The following C1orf167 variants were observed in gnomAD, a reference collection of about 807,000 sequenced individuals.
C1orf167 encodes uncharacterized protein C1orf167.
A neutral mutation model predicts 176.5 loss-of-function variants in C1orf167; 153 were observed. The observed-to-expected ratio is 0.87, with a 90% confidence interval of 0.76 to 0.99. The LOEUF is 0.99. Ranked by LOEUF, C1orf167 falls within the 50% of genes least tolerant of loss-of-function variation. C1orf167 has a pLI of 0.00. For synonymous variants in C1orf167, 594 were observed against 752.7 expected (o/e 0.79, Z 3.45); for missense variants, 1,490 against 1,817.7 (o/e 0.82, Z 3.28).
At position 11,783,334 on chromosome 1, in the gene C1orf167, G is replaced by A. The variant is rs1219802020; in HGVS notation, c.3006-840G>A. On this transcript the variant is annotated intron_variant, in intron 14 of 20. Coordinates refer to ENST00000688073, the MANE Select transcript of C1orf167 (RefSeq NM_001010881.2). ...GCGATCTCGGCTTACCACAACCTCC[G>A]CCTCCCGGGTTCAAGTGATTCTCCT... Among the ~76,000 whole-genome samples the A allele has an allele frequency of 2.0e-5, 3 of 152,118 alleles. No individual in the cohort carries two copies. The East Asian group carries it at 5.8e-4, about 29-fold the overall frequency.
Position 11,765,684 on chromosome 1 carries a change from G to A in C1orf167, c.71-173G>A, listed in dbSNP as rs190820398. On this transcript the variant is annotated intron_variant, in intron 2 of 20. Transcript: ENST00000688073. ...AGACCCCCCTACTCCAAGAGCCCCCGGGGCTGCCCATGGCTTCACCCAGGG... is the reference window on the plus strand; with the variant it reads ...AGACCCCCCTACTCCAAGAGCCCCCAGGGCTGCCCATGGCTTCACCCAGGG... Among the ~76,000 whole-genome samples, 1,146 of 152,100 alleles carry A rather than the reference G, an allele frequency of 7.5e-3. 5 individuals are homozygous for A. The highest frequency in any genetic ancestry group is 0.013 in the Non-Finnish European group (852 of 67,978).
At chr1:11,776,430 G>A (rs1238698693) in intron 9 of C1orf167, 34 bp from the exon 10 acceptor site, 1 of 1,289,348 alleles carries the variant, frequency 7.8e-7, no homozygotes, top group Non-Finnish European at 1.0e-6. Context: ...GGTCAGTGGG[G>A]AGGCAGCTGA....
chr1:11,765,128 T>C (rs945872092), intron 2 of C1orf167, among the ~76,000 whole-genome samples: 1 of 145,318 alleles, frequency 6.9e-6, no homozygotes, highest in Non-Finnish European at 1.5e-5. Context: ...CAAGAACAAA[T>C]GTAGATTCTT....
chr1:11,789,167 C>T, intron 20 of C1orf167, 103 bp from the exon 21 acceptor site: 3 of 1,153,186 alleles, frequency 2.6e-6, no homozygotes, highest in Non-Finnish European at 3.4e-6. Context: ...GGGAGGGGCC[C>T]TGGGGACAAA....
intron 17 of C1orf167, 23 bp downstream of exon 17, chr1:11,787,516 G>T (rs944104218): frequency 3.1e-6 from 4 of 1,281,758 alleles, no homozygotes; most frequent in African/African-American, 3.1e-5. Context: ...TGCCCCGGGG[G>T]ACAAACGGTG....
intron 14 of C1orf167, among the ~76,000 whole-genome samples, chr1:11,783,242 T>G (rs1049412666): frequency 3.9e-5 from 6 of 151,944 alleles, no homozygotes; most frequent in Non-Finnish European, 7.4e-5. Context: ...TAGATGGTTA[T>G]TTTGTTTGTT....
chr1:11,789,512 A>C lies in C1orf167; in HGVS notation c.*66A>C. On this transcript the variant is annotated 3_prime_UTR_variant, in exon 21 of 21. Coordinates refer to ENST00000688073, the MANE Select transcript of C1orf167 (RefSeq NM_001010881.2). ...TCCCAGGGAAGGAACCATGCCCCACACATCCAGGGAGTGATGACAGAGGGG... is the reference window on the plus strand; with the variant it reads ...TCCCAGGGAAGGAACCATGCCCCACCCATCCAGGGAGTGATGACAGAGGGG... 8 of 1,254,380 alleles carry C rather than the reference A, an allele frequency of 6.4e-6. No individual in the cohort carries two copies. The highest frequency in any genetic ancestry group is 8.4e-6 in the Non-Finnish European group (8 of 955,386). 77.7% of individuals were successfully genotyped at this position (1,254,380 alleles called of 1,614,324 possible). A position where few individuals can be genotyped will look rare whatever the true frequency, so the allele number is the denominator to read the frequency against.
At chr1:11,770,723 C>T (rs574818914) in intron 6 of C1orf167, among the ~76,000 whole-genome samples, 1 of 151,070 alleles carries the variant, frequency 6.6e-6, no homozygotes, top group East Asian at 2.0e-4. Context: ...CAACCTACCA[C>T]AGTGCTGGGA....
chr1:11,787,405 A>T lies in C1orf167; in HGVS notation c.3585A>T (p.Thr1195=), dbSNP rs755383372. 7.7e-6 allele frequency: 10 copies of T among 1,300,176 alleles called. No homozygotes were observed. The highest frequency in any genetic ancestry group is 1.0e-5 in the Non-Finnish European group (10 of 987,024). The allele number at this position is 1,300,176 out of a possible 1,614,324, so 80.5% of individuals were successfully genotyped here. A position where few individuals can be genotyped will look rare whatever the true frequency, so the allele number is the denominator to read the frequency against. ...TCCTTCAGACCCGCAGCTGCTGGAC[A>T]CAGGCCACAGAGCTGGTGCCTCCCG... The part of the protein sequence containing the change: ...PGAGKTRSCW[T]QATELVPPAP... Residue 1195 remains threonine (T), a synonymous_variant, in exon 17 of 21, where the codon ACA becomes ACT. Transcript: ENST00000688073.
rs1292240833 is a variant in C1orf167, at chr1:11,768,222, G to C, written c.1489G>C (p.Glu497Gln). The change falls in exon 5 of 21, where the codon GAG becomes CAG. Residue 497 changes from glutamate to glutamine, a missense_variant. By Grantham distance (29) the Glu-to-Gln change is conservative. Coordinates refer to ENST00000688073, the MANE Select transcript of C1orf167 (RefSeq NM_001010881.2). The surrounding 1 kb of genome is among the most constrained non-coding windows in gnomAD (Gnocchi z 4.5). ...QALWLREAQL[E>Q]AAWGQYTKVL... is the part of the protein sequence containing the mutation. ...CTTGTGGCTCCGGGAGGCTCAGCTG[G>C]AGGCAGCATGGGGGCAGTACACAAA... 3 of 1,289,922 alleles carry C rather than the reference G, an allele frequency of 2.3e-6. No homozygotes were observed. The South Asian group carries it at 3.7e-5, about 16-fold the overall frequency. The allele number at this position is 1,289,922 out of a possible 1,614,324, so 79.9% of individuals were successfully genotyped here. A position where few individuals can be genotyped will look rare whatever the true frequency, so the allele number is the denominator to read the frequency against.
In C1orf167 at chr1:11,772,122, G is replaced by A; in HGVS notation, c.1851G>A (p.Gln617=). 1.5e-6 allele frequency: 2 copies of A among 1,304,272 alleles called. No homozygotes were observed. The highest frequency in any genetic ancestry group is 2.0e-6 in the Non-Finnish European group (2 of 988,946). 80.8% of individuals were successfully genotyped at this position (1,304,272 alleles called of 1,614,324 possible). The part of the protein sequence containing the change: ...LWCQQKKRAR[Q]ERETLRKATR... Reference sequence around the variant, plus strand: ...GCCAACAGAAGAAACGGGCCAGACAGGAGAGGGAGACTCTGCGGAAGGCCA... The same window carrying A: ...GCCAACAGAAGAAACGGGCCAGACAAGAGAGGGAGACTCTGCGGAAGGCCA... Residue 617 remains glutamine (Q), a synonymous_variant, in exon 8 of 21, where the codon CAG becomes CAA. Coordinates refer to ENST00000688073, the MANE Select transcript of C1orf167 (RefSeq NM_001010881.2).
chr1:11,788,814 C>G, intron 20 of C1orf167, 68 bp downstream of exon 20: 2 of 1,257,932 alleles, frequency 1.6e-6, no homozygotes, highest in East Asian at 1.1e-4. Context: ...GAAGTCTGTG[C>G]CACAGCCACG....
chr1:11,764,333 C>A lies in C1orf167; in HGVS notation c.-68C>A. On this transcript the variant is annotated splice_region_variant and 5_prime_UTR_variant, in exon 2 of 21. Transcript: ENST00000688073. ...GGCAACCTGTCCTCTCCCCGCAGGG[C>A]CCATCTGATTAAACAGACCAGGCCA... 8.3e-7 allele frequency: 1 copy of A among 1,205,414 alleles called. No homozygotes were observed. Among genetic ancestry groups the A allele is most frequent in the Non-Finnish European group, 1.1e-6 (1 of 912,322 alleles). The allele number at this position is 1,205,414 out of a possible 1,614,324, so 74.7% of individuals were successfully genotyped here.
chr1:11,772,174 T>C lies in C1orf167; in HGVS notation c.1903T>C (p.Phe635Leu). ...ATRATQRTGS[F>L]PQAWHSTAAG... ...CAGGGCCACACAGAGGACAGGGAGCTTCCCCCAGGCCTGGCACTCTACTGC... is the reference window on the plus strand; with the variant it reads ...CAGGGCCACACAGAGGACAGGGAGCCTCCCCCAGGCCTGGCACTCTACTGC... Residue 635 changes from phenylalanine (F) to leucine (L), a missense_variant, in exon 8 of 21, where the codon TTC becomes CTC. By Grantham distance (22) the Phe-to-Leu change is conservative (BLOSUM62 0). Coordinates refer to ENST00000688073, the MANE Select transcript of C1orf167 (RefSeq NM_001010881.2). The C allele has an allele frequency of 2.3e-6, 3 of 1,304,296 alleles. No homozygotes were observed. Among genetic ancestry groups the C allele is most frequent in the Non-Finnish European group, 3.0e-6 (3 of 988,952 alleles). The allele number at this position is 1,304,296 out of a possible 1,614,324, so 80.8% of individuals were successfully genotyped here.
intron 10 of C1orf167, chr1:11,777,245 G>A (rs1643361823): frequency 6.5e-6 from 1 of 152,746 alleles, no homozygotes; most frequent in African/African-American, 2.4e-5. Context: ...GTCACTGATG[G>A]AATTCGGAGC....
chr1:11,766,902 T>G lies in C1orf167; in HGVS notation c.1116T>G (p.Ser372Arg). 8.1e-7 allele frequency: 1 copy of G among 1,241,018 alleles called. No individual in the cohort carries two copies. Among genetic ancestry groups the G allele is most frequent in the Non-Finnish European group, 1.0e-6 (1 of 962,944 alleles). 76.9% of individuals were successfully genotyped at this position (1,241,018 alleles called of 1,614,324 possible). Residue 372 changes from serine to arginine, a missense_variant, in exon 3 of 21, where the codon AGT becomes AGG. Coordinates refer to ENST00000688073, the MANE Select transcript of C1orf167 (RefSeq NM_001010881.2). This position sits in a 1 kb window ranked among gnomAD's most constrained non-coding sequence, Gnocchi z 4.5. ...QDGRAQRGDP[S>R]LPRGVGSRGT... is the part of the protein sequence containing the mutation. ...GCAGGGCACAGAGGGGTGACCCCAG[T>G]CTCCCTCGAGGGGTGGGAAGCAGGG...
chr1:11,785,085 G>T (rs1643787083), intron 15 of C1orf167, 63 bp from the exon 16 acceptor site: 24 of 1,201,282 alleles, frequency 2.0e-5, no homozygotes, highest in Non-Finnish European at 2.6e-5. Flanking sequence ...GGCACTGGGG[G>T]GGCTCCCTGC....
chr1:11,787,623 C>T (rs1643919472), intron 17 of C1orf167, 130 bp downstream of exon 17: 1 of 798,590 alleles, frequency 1.3e-6, no homozygotes, highest in Non-Finnish European at 1.7e-6. Context: ...TCTCCCCATC[C>T]ATTCCCTCTT....
Position 11,788,744 on chromosome 1 carries a change from T to TGG in C1orf167, c.4173_4173+1dup, listed in dbSNP as rs1405342386. ...CTCAGCAGTTACAGCAGCAGGAAGA[T>TGG]GGGTGGGTCCTTTCCCAGGTACTGC... On this transcript the variant is annotated frameshift_variant and splice_region_variant, in exon 20 of 21. Coordinates refer to ENST00000688073, the MANE Select transcript of C1orf167 (RefSeq NM_001010881.2). LOFTEE classifies it low-confidence loss of function (END_TRUNC). The TGG allele has an allele frequency of 7.7e-7, 1 of 1,303,992 alleles. No homozygotes were observed. The highest frequency in any genetic ancestry group is 1.5e-5 in the African/African-American group (1 of 65,846). 80.8% of individuals were successfully genotyped at this position (1,303,992 alleles called of 1,614,324 possible). A position where few individuals can be genotyped will look rare whatever the true frequency, so the allele number is the denominator to read the frequency against.
Sources: allele counts gnomAD v4.1 joint callset (sites outside exome capture counted in the v4.1 genomes callset), GRCh38; gene constraint gnomAD v4.1.1; non-coding constraint Gnocchi (gnomAD v3.1); transcripts MANE v1.5; gene names NCBI Gene and HGNC (gene_info 2026-07-23, HGNC 2026-07-21).